The following TNS3 variants were observed in gnomAD, a reference collection of about 807,000 sequenced individuals.
TNS3 encodes tensin-3.
TNS3 carries 45 observed loss-of-function variants against 140.9 expected under a neutral mutation model. That is an observed-to-expected ratio of 0.32 (90% CI 0.25 to 0.41). TNS3 has a LOEUF of 0.41. Among genes scored for constraint, TNS3 ranks in the 10% least tolerant of loss-of-function variants. The pLI is 1.00. For synonymous variants in TNS3, 815 were observed against 788.4 expected (o/e 1.03, Z -0.56); for missense variants, 1,716 against 1,906.7 (o/e 0.90, Z 1.86).
intron 1 of TNS3, among the ~76,000 whole-genome samples, chr7:47,564,659 A>C (rs1262102038): frequency 1.3e-5 from 2 of 148,264 alleles, no homozygotes; most frequent in African/African-American, 2.5e-5. Context: ...ACAAAAAAAA[A>C]CAAAAAAAGA....
At chr7:47,432,696 T>G (rs1052988014) in intron 8 of TNS3, among the ~76,000 whole-genome samples, 3 of 152,194 alleles carry the variant, frequency 2.0e-5, no homozygotes, top group Non-Finnish European at 4.4e-5. Flanking sequence ...ACCCCTGCAT[T>G]GTGGGTGGAA....
At chr7:47,547,240 G>A (rs898526359) in intron 1 of TNS3, among the ~76,000 whole-genome samples, 4 of 152,186 alleles carry the variant, frequency 2.6e-5, no homozygotes, top group African/African-American at 9.7e-5. Flanking sequence ...AGGAGCAAAG[G>A]GTGGGAGTGG....
At chr7:47,362,748 TCA>T (rs1790408934) in intron 17 of TNS3, among the ~76,000 whole-genome samples, 2 of 149,300 alleles carry the variant, frequency 1.3e-5, no homozygotes, top group Non-Finnish European at 3.0e-5. Context: ...ATCACTATCA[TCA>T]CAGTCATCAC....
intron 16 of TNS3, among the ~76,000 whole-genome samples, chr7:47,379,795 G>A (rs763868223): frequency 6.6e-6 from 1 of 152,202 alleles, no homozygotes; most frequent in Non-Finnish European, 1.5e-5. Flanking sequence ...CAGCAGGAAA[G>A]AGGCTGCAGC....
intron 24 of TNS3, among the ~76,000 whole-genome samples, chr7:47,296,312 C>T (rs1786020014): frequency 6.6e-6 from 1 of 152,114 alleles, no homozygotes; most frequent in Non-Finnish European, 1.5e-5. Context: ...TTGGTGGATG[C>T]TGGTGAGGTT....
intron 28 of TNS3, 46 bp downstream of exon 28, chr7:47,283,651 A>G: frequency 6.8e-7 from 1 of 1,476,850 alleles, no homozygotes. Flanking sequence ...GGAACGTGAC[A>G]GCCCCGCCCC....
chr7:47,533,238 T>A (rs1799479766), intron 1 of TNS3, among the ~76,000 whole-genome samples: 1 of 147,792 alleles, frequency 6.8e-6, no homozygotes, highest in African/African-American at 2.5e-5. Flanking sequence ...GTTCAAGCAA[T>A]TCTCTGCCTC....
chr7:47,490,426 C>A (rs1797767877), intron 3 of TNS3, among the ~76,000 whole-genome samples: 1 of 152,254 alleles, frequency 6.6e-6, no homozygotes, highest in Non-Finnish European at 1.5e-5. Flanking sequence ...GGTGGCATCA[C>A]ACAGGGTCTT....
At chr7:47,541,440 C>A (rs1221039707) in intron 1 of TNS3, among the ~76,000 whole-genome samples, 2 of 152,090 alleles carry the variant, frequency 1.3e-5, no homozygotes, top group African/African-American at 4.8e-5. Flanking sequence ...AACAGTCACC[C>A]CCCAATGAGC....
chr7:47,459,578 T>C (rs1796397091), intron 4 of TNS3, among the ~76,000 whole-genome samples: 1 of 152,096 alleles, frequency 6.6e-6, no homozygotes, highest in Admixed American at 6.5e-5. Context: ...TGTCCTAGAA[T>C]GTAAATTCCC....
chr7:47,340,850 T>C (rs2150973360), intron 20 of TNS3, among the ~76,000 whole-genome samples: 1 of 152,326 alleles, frequency 6.6e-6, no homozygotes, highest in African/African-American at 2.4e-5. Context: ...CAGAACTATG[T>C]TGAAAAAGAG....
In TNS3 at chr7:47,544,710, C is replaced by G. The variant is rs551191700; in HGVS notation, c.-264-15563G>C. 1.1e-4 allele frequency among the ~76,000 whole-genome samples: 17 copies of G among 152,232 alleles called. 1 individual carries two copies. The South Asian group carries it at 3.5e-3, about 32-fold the overall frequency. ...TCCCCAGGTCCAGCTTACAGACCTA[C>G]TGCTACCAATGGGTGTCCCAGGACC... is the stretch of plus-strand genomic sequence containing the variant. On this transcript the variant is annotated intron_variant, in intron 1 of 30. Transcript: ENST00000311160.
chr7:47,415,084 G>T lies in TNS3; in HGVS notation c.586+10C>A, dbSNP rs768638733. 3.1e-6 allele frequency: 5 copies of T among 1,603,230 alleles called. No homozygotes were observed. In the South Asian group the frequency reaches 5.6e-5, roughly 18 times the overall value. On this transcript the variant is annotated intron_variant, in intron 11 of 30. Coordinates refer to ENST00000311160, the MANE Select transcript of TNS3 (RefSeq NM_022748.12). ...CCAATCGCAGGTGCCACGTCATAGG[G>T]GACACTCACCTCCACCTGTGTCGAA...
At chr7:47,308,580 T>C (rs978652164) in intron 20 of TNS3, among the ~76,000 whole-genome samples, 5 of 152,238 alleles carry the variant, frequency 3.3e-5, no homozygotes, top group Non-Finnish European at 5.9e-5. Context: ...TTCTTATAAA[T>C]ATTCTTGAAC....
At chr7:47,358,506 C>A (rs2151075508) in intron 17 of TNS3, among the ~76,000 whole-genome samples, 1 of 152,334 alleles carries the variant, frequency 6.6e-6, no homozygotes, top group South Asian at 2.1e-4. Flanking sequence ...AAGCTGTCCA[C>A]CTTCAGGGCC....
intron 1 of TNS3, among the ~76,000 whole-genome samples, chr7:47,529,859 C>A (rs11980394): frequency 0.024 from 3,660 of 152,256 alleles, 146 homozygotes; most frequent in African/African-American, 0.082. Flanking sequence ...GATATGTGAC[C>A]GTGTATTCTA....
intron 27 of TNS3, among the ~76,000 whole-genome samples, chr7:47,287,383 A>G (rs1785476184): frequency 6.6e-6 from 1 of 152,214 alleles, no homozygotes; most frequent in Non-Finnish European, 1.5e-5. Context: ...TTGTCTGCTA[A>G]TATTTCTGAG....
intron 20 of TNS3, among the ~76,000 whole-genome samples, chr7:47,314,561 T>C (rs1001195756): frequency 3.3e-5 from 5 of 152,192 alleles, no homozygotes; most frequent in African/African-American, 1.2e-4. Flanking sequence ...TTTCTAGAAA[T>C]GTGGCTCACC....
chr7:47,393,243 T>A (rs1478736362), intron 16 of TNS3, among the ~76,000 whole-genome samples: 3 of 152,160 alleles, frequency 2.0e-5, no homozygotes, highest in Admixed American at 2.0e-4. Context: ...ATAATTTACA[T>A]CTTCAAAAAA....
Sources: allele counts gnomAD v4.1 joint callset (sites outside exome capture counted in the v4.1 genomes callset), GRCh38; gene constraint gnomAD v4.1.1; transcripts MANE v1.5; gene names NCBI Gene and HGNC (gene_info 2026-07-23, HGNC 2026-07-21).